SEPTIN7: variants seen among roughly 807,000 people sequenced by gnomAD.
SEPTIN7 encodes septin-7.
A neutral mutation model predicts 63.3 loss-of-function variants in SEPTIN7; 10 were observed. That is an observed-to-expected ratio of 0.16 (90% confidence interval 0.10 to 0.27). SEPTIN7 has a LOEUF of 0.27. Ranked by LOEUF, SEPTIN7 falls within the 10% of genes least tolerant of loss-of-function variation. The pLI, the probability that SEPTIN7 is intolerant of heterozygous loss-of-function variation, is 1.00. For missense variants in SEPTIN7, 310 were observed against 521.0 expected, an observed-to-expected ratio of 0.59 and a Z score of 3.94; for synonymous variants, 131 against 165.3, an observed-to-expected ratio of 0.79 and a Z score of 1.59.
chr7:35,877,301 CTTAA>C (rs1355260513), intron 6 of SEPTIN7, among the ~76,000 whole-genome samples: 1 of 152,098 alleles, frequency 6.6e-6, no homozygotes, highest in Non-Finnish European at 1.5e-5. Flanking sequence ...AGGCAGCTAT[CTTAA>C]TTCTCCATGT....
chr7:35,830,336 A>C (rs1218468083), intron 1 of SEPTIN7, among the ~76,000 whole-genome samples: 3 of 152,180 alleles, frequency 2.0e-5, no homozygotes, highest in Non-Finnish European at 2.9e-5. Flanking sequence ...ATGAGGCCAG[A>C]AGTAAGAGTA....
chr7:35,876,589 G>A (rs771868970), intron 6 of SEPTIN7, among the ~76,000 whole-genome samples: 1 of 152,206 alleles, frequency 6.6e-6, no homozygotes, highest in Non-Finnish European at 1.5e-5. Context: ...TGTAATCCCA[G>A]CACTTTGGGG....
chr7:35,908,648 G>T (rs945789948), downstream of SEPTIN7, among the ~76,000 whole-genome samples: 11 of 152,284 alleles, frequency 7.2e-5, no homozygotes, highest in African/African-American at 2.4e-4. Flanking sequence ...CTAGCAGAGG[G>T]GGGGTAGTCA....
At chr7:35,884,600 A>G (rs1014547465) in intron 9 of SEPTIN7, among the ~76,000 whole-genome samples, 1 of 152,168 alleles carries the variant, frequency 6.6e-6, no homozygotes, top group Admixed American at 6.6e-5. Flanking sequence ...TTTGGAGAGA[A>G]GGCCAGTCAC....
At chr7:35,868,056 G>C (rs1785926464) in intron 4 of SEPTIN7, among the ~76,000 whole-genome samples, 2 of 151,886 alleles carry the variant, frequency 1.3e-5, no homozygotes, top group Admixed American at 6.6e-5. Context: ...TTTTAGTAGA[G>C]ATGGGGTTTC....
chr7:35,914,951 T>G, the SEPTIN7 span, among the ~76,000 whole-genome samples: 1 of 152,092 alleles, frequency 6.6e-6, no homozygotes, highest in East Asian at 1.9e-4. Flanking sequence ...CACGTATCCA[T>G]GCATACCTAC....
chr7:35,860,797 T>C (rs1480484728), intron 3 of SEPTIN7, among the ~76,000 whole-genome samples: 1 of 152,244 alleles, frequency 6.6e-6, no homozygotes, highest in African/African-American at 2.4e-5. Context: ...TTTGACAGTT[T>C]GATTGTAATC....
Position 35,871,405 on chromosome 7 carries a change from A to T in SEPTIN7, c.277-1261A>T, listed in dbSNP as rs1583596069. Among the ~76,000 whole-genome samples the T allele has an allele frequency of 6.6e-5, 10 of 152,360 alleles. No homozygotes were observed. In the South Asian group the frequency reaches 2.1e-3, roughly 32 times the overall value. Reference sequence around the variant, plus strand: ...ATTTAAGTTAATTCAAATTAAATAAAATTAAATATCAGCTCCTCATTTGCA... The same window carrying T: ...ATTTAAGTTAATTCAAATTAAATAATATTAAATATCAGCTCCTCATTTGCA... On this transcript the variant is annotated intron_variant, in intron 4 of 13. Coordinates refer to ENST00000350320, the MANE Select transcript of SEPTIN7 (RefSeq NM_001788.6).
At chr7:35,910,713 G>A (rs1462557075), downstream of SEPTIN7, among the ~76,000 whole-genome samples, 1 of 152,220 alleles carries the variant, frequency 6.6e-6, no homozygotes, top group Non-Finnish European at 1.5e-5. Flanking sequence ...GAGAAACAGG[G>A]ATTACGGGAC....
chr7:35,862,595 G>A (rs528734110), intron 3 of SEPTIN7, among the ~76,000 whole-genome samples: 135 of 152,106 alleles, frequency 8.9e-4, no homozygotes, highest in Non-Finnish European at 1.5e-3. Flanking sequence ...AAATTGGCAC[G>A]CTCTCAGTCA....
intron 11 of SEPTIN7, 136 bp from the exon 12 acceptor site, chr7:35,898,112 T>TCAC (rs1279048832): frequency 1.7e-6 from 1 of 573,188 alleles, no homozygotes; most frequent in African/African-American, 1.9e-5. Context: ...ATATGAAATA[T>TCAC]GGAAAGAAGT....
At chr7:35,872,538 A>G (rs544774628) in intron 4 of SEPTIN7, 128 bp from the exon 5 acceptor site, 4 of 676,510 alleles carry the variant, frequency 5.9e-6, no homozygotes, top group South Asian at 5.1e-5. Flanking sequence ...ATGTGGTAGT[A>G]GGTAGATTTA....
At chr7:35,848,361 G>A (rs1472575461) in intron 3 of SEPTIN7, among the ~76,000 whole-genome samples, 1 of 151,084 alleles carries the variant, frequency 6.6e-6, no homozygotes, top group African/African-American at 2.4e-5. Flanking sequence ...TCCGCCTCCC[G>A]GGTTCACGCC....
chr7:35,802,262 G>T, intron 1 of SEPTIN7: 1 of 369,766 alleles, frequency 2.7e-6, no homozygotes, highest in Non-Finnish European at 5.5e-6. Context: ...TTCCATTTCA[G>T]CTGTGTGTAT....
chr7:35,862,481 A>G (rs911040074), intron 3 of SEPTIN7, among the ~76,000 whole-genome samples: 4 of 152,152 alleles, frequency 2.6e-5, no homozygotes, highest in Non-Finnish European at 5.9e-5. Flanking sequence ...GTTTTATTCT[A>G]ATCTTTCTGC....
At chr7:35,851,145 GTGGCTTTCA>G (rs1784936258) in intron 3 of SEPTIN7, among the ~76,000 whole-genome samples, 1 of 152,096 alleles carries the variant, frequency 6.6e-6, no homozygotes, top group Non-Finnish European at 1.5e-5. Flanking sequence ...GATAGAATAT[GTGGCTTTCA>G]TGGACAAGTC....
At chr7:35,843,068 C>T (rs755310980) in intron 3 of SEPTIN7, among the ~76,000 whole-genome samples, 8 of 152,096 alleles carry the variant, frequency 5.3e-5, no homozygotes, top group Non-Finnish European at 1.0e-4. Context: ...GTGAAAATAC[C>T]ATTATCTTCC....
At chr7:35,910,232 T>C, downstream of SEPTIN7, among the ~76,000 whole-genome samples, 1 of 152,186 alleles carries the variant, frequency 6.6e-6, no homozygotes, top group East Asian at 1.9e-4. Context: ...TTAGTCCTGT[T>C]CAATGCATGA....
intron 7 of SEPTIN7, among the ~76,000 whole-genome samples, chr7:35,881,392 C>T (rs1284498253): frequency 2.0e-5 from 3 of 151,752 alleles, no homozygotes; most frequent in Non-Finnish European, 4.4e-5. Flanking sequence ...GGTGGTTGTA[C>T]TCAGGTCATT....
Sources: allele counts gnomAD v4.1 joint callset (sites outside exome capture counted in the v4.1 genomes callset), GRCh38; gene constraint gnomAD v4.1.1; transcripts MANE v1.5; gene names NCBI Gene and HGNC (gene_info 2026-07-23, HGNC 2026-07-21).